CSMD1: variants seen among roughly 807,000 people sequenced by gnomAD.
CSMD1 encodes the protein CUB and Sushi multiple domains 1, also known as CUB and sushi domain-containing protein 1.
In CSMD1, 213 loss-of-function variants were observed where a neutral mutation model predicts 417.5. The ratio of observed to expected loss-of-function variants is 0.51; its 90% confidence interval spans 0.46 to 0.57. CSMD1 has a LOEUF of 0.57. Among genes scored for constraint, CSMD1 ranks in the 20% least tolerant of loss-of-function variants. The probability of loss-of-function intolerance (pLI) is 0.00; values close to 1 mark genes in which losing one functional copy is unlikely to be tolerated. For missense variants in CSMD1, 6,923 were observed against 4,529.7 expected (o/e 1.53, Z -15.17); for synonymous variants, 2,862 against 1,736.8 (o/e 1.65, Z -16.11).
chr8:4,052,264 G>C (rs1451710877), intron 3 of CSMD1, among the ~76,000 whole-genome samples: 1 of 152,126 alleles, frequency 6.6e-6, no homozygotes, highest in Non-Finnish European at 1.5e-5. Context: ...GTCCAGACAG[G>C]GCACAGCCTG....
intron 37 of CSMD1, among the ~76,000 whole-genome samples, chr8:3,180,422 T>TA (rs754673660): frequency 3.8e-4 from 58 of 152,260 alleles, no homozygotes; most frequent in Non-Finnish European, 6.8e-4. Flanking sequence ...CTTATGACCA[T>TA]AATCTAGGCA....
intron 16 of CSMD1, among the ~76,000 whole-genome samples, chr8:3,397,161 C>A (rs536042260): frequency 5.9e-5 from 9 of 152,126 alleles, no homozygotes; most frequent in African/African-American, 2.2e-4. Context: ...ATCTGATCCT[C>A]GAAGAGCTAA....
chr8:4,865,353 A>G (rs1023439815), intron 1 of CSMD1, among the ~76,000 whole-genome samples: 3 of 151,728 alleles, frequency 2.0e-5, no homozygotes, highest in Non-Finnish European at 4.4e-5. Flanking sequence ...AGACGAAATC[A>G]GCAACTGACT....
intron 1 of CSMD1, among the ~76,000 whole-genome samples, chr8:4,904,732 AG>A (rs1414509379): frequency 6.6e-6 from 1 of 152,244 alleles, no homozygotes; most frequent in Non-Finnish European, 1.5e-5. Context: ...GTGATCTTAA[AG>A]CAAAATTAAA....
intron 7 of CSMD1, among the ~76,000 whole-genome samples, chr8:3,705,981 T>C (rs928417049): frequency 2.6e-5 from 4 of 152,210 alleles, no homozygotes; most frequent in Non-Finnish European, 4.4e-5. Flanking sequence ...AGCACTTTCA[T>C]ACTCAGTCTC....
At chr8:4,381,664 C>G (rs967647412) in intron 3 of CSMD1, among the ~76,000 whole-genome samples, 1 of 152,166 alleles carries the variant, frequency 6.6e-6, no homozygotes, top group African/African-American at 2.4e-5. Context: ...AACCCTCATT[C>G]CCCAGTGTTG....
At chr8:4,977,939 G>A (rs964820509) in intron 1 of CSMD1, among the ~76,000 whole-genome samples, 16 of 152,178 alleles carry the variant, frequency 1.1e-4, no homozygotes, top group South Asian at 4.1e-4. Flanking sequence ...GACCTCACAA[G>A]CTATTTGTTG....
chr8:3,382,646 G>C (rs1810711468), intron 18 of CSMD1, among the ~76,000 whole-genome samples: 2 of 145,104 alleles, frequency 1.4e-5, no homozygotes, highest in African/African-American at 2.5e-5. Context: ...TCTCTATATA[G>C]AGATAGATAT....
chr8:4,992,582 C>G (rs1811529874), intron 1 of CSMD1, among the ~76,000 whole-genome samples: 1 of 152,182 alleles, frequency 6.6e-6, no homozygotes, highest in Admixed American at 6.5e-5. Context: ...GGCTCCTGCC[C>G]TCACCCCGCT....
At chr8:3,876,682 G>T (rs1371828164) in intron 5 of CSMD1, among the ~76,000 whole-genome samples, 1 of 152,108 alleles carries the variant, frequency 6.6e-6, no homozygotes, top group Non-Finnish European at 1.5e-5. Context: ...CTATCAGTGC[G>T]CACTGTAGCC....
intron 5 of CSMD1, among the ~76,000 whole-genome samples, chr8:3,780,138 A>G (rs1410298940): frequency 2.0e-5 from 3 of 152,222 alleles, no homozygotes; most frequent in African/African-American, 7.2e-5. Context: ...AACCTGTGCC[A>G]TCGGGGTGAA....
chr8:3,072,635 G>A (rs756743615), intron 49 of CSMD1, among the ~76,000 whole-genome samples: 2 of 152,118 alleles, frequency 1.3e-5, no homozygotes, highest in Non-Finnish European at 2.9e-5. Context: ...TCATTTGTGG[G>A]CCTCCTTTTA....
chr8:4,099,214 A>G (rs906153886), intron 3 of CSMD1, among the ~76,000 whole-genome samples: 1 of 151,780 alleles, frequency 6.6e-6, no homozygotes, highest in African/African-American at 2.4e-5. Context: ...ACGCACACAC[A>G]CACACACACC....
chr8:3,207,528 A>C (rs1563143258), intron 30 of CSMD1, among the ~76,000 whole-genome samples: 2 of 152,164 alleles, frequency 1.3e-5, no homozygotes, highest in Non-Finnish European at 2.9e-5. Context: ...ATTATGTTAA[A>C]TATTAATTGA....
At chr8:4,074,885 C>T (rs745533264) in intron 3 of CSMD1, among the ~76,000 whole-genome samples, 10 of 152,070 alleles carry the variant, frequency 6.6e-5, no homozygotes, top group Non-Finnish European at 1.0e-4. Flanking sequence ...TCCTCTTAAA[C>T]TTCCACGTGG....
chr8:4,631,994 TA>T (rs1802544446), intron 2 of CSMD1, among the ~76,000 whole-genome samples: 1 of 152,222 alleles, frequency 6.6e-6, no homozygotes, highest in African/African-American at 2.4e-5. Flanking sequence ...ACCTTTGATA[TA>T]ATAATTTTAT....
At chr8:3,912,719 T>A (rs912905159) in intron 5 of CSMD1, among the ~76,000 whole-genome samples, 1 of 152,092 alleles carries the variant, frequency 6.6e-6, no homozygotes, top group Admixed American at 6.5e-5. Context: ...TGGGATGAAA[T>A]GTCCAAGATG....
At chr8:4,347,790 A>G (rs1195421294) in intron 3 of CSMD1, among the ~76,000 whole-genome samples, 2 of 152,170 alleles carry the variant, frequency 1.3e-5, no homozygotes, top group African/African-American at 4.8e-5. Context: ...AGTAACTCTA[A>G]ATAAAATCTA....
chr8:4,394,533 A>G (rs1037662954), intron 3 of CSMD1, among the ~76,000 whole-genome samples: 1 of 152,182 alleles, frequency 6.6e-6, no homozygotes, highest in Admixed American at 6.5e-5. Context: ...CATTCAGCCT[A>G]AACTCATTGC....
Sources: gnomAD v4.1 joint callset for allele counts (sites outside exome capture counted in the v4.1 genomes callset) on GRCh38, gnomAD v4.1.1 for gene constraint, MANE v1.5 for transcripts, NCBI Gene and HGNC (gene_info 2026-07-23, HGNC 2026-07-21) for gene names.